The following TCEA3 variants were observed in gnomAD, a reference collection of about 807,000 sequenced individuals.
TCEA3 encodes the protein transcription elongation factor A protein 3.
A neutral mutation model predicts 44.0 loss-of-function variants in TCEA3; 36 were observed. The ratio of observed to expected loss-of-function variants is 0.82; its 90% CI spans 0.63 to 1.08. TCEA3 has a LOEUF of 1.08. TCEA3 is among the 50% of genes least tolerant of loss of function. TCEA3 has a pLI of 0.00. For synonymous variants in TCEA3, 162 were observed against 159.7 expected (o/e 1.01, Z -0.11); for missense variants, 392 against 441.2 (o/e 0.89, Z 1.00).
intron 2 of TCEA3, chr1:23,418,283 A>G (rs753370733): frequency 4.7e-6 from 2 of 426,566 alleles, no homozygotes; most frequent in Non-Finnish European, 8.6e-6. Flanking sequence ...CACTTGGCTG[A>G]CTGTCAGGAC....
At position 23,384,426 on chromosome 1, in the gene TCEA3, GAGA is replaced by G. The variant is rs774983765; in HGVS notation, c.967-12_967-10del. On this transcript the variant is annotated splice_polypyrimidine_tract_variant and intron_variant, in intron 9 of 10. Transcript: ENST00000450454. ...GCACTGCGTGTCTGCACCTGAGAGAGAGAAGAACCACTCATGAAGTCACTCCCC... is the reference window on the plus strand; with the variant it reads ...GCACTGCGTGTCTGCACCTGAGAGAGAGAACCACTCATGAAGTCACTCCCC... 6 of 1,611,940 alleles carry G rather than the reference GAGA, an allele frequency of 3.7e-6. No individual in the cohort carries two copies. The highest frequency in any genetic ancestry group is 1.7e-5 in the Admixed American group (1 of 59,864).
At chr1:23,392,395 A>G in intron 8 of TCEA3, among the ~76,000 whole-genome samples, 1 of 77,680 alleles carries the variant, frequency 1.3e-5, no homozygotes, top group Non-Finnish European at 2.5e-5. Context: ...CACAAAACAC[A>G]CTCCACACAT....
intron 9 of TCEA3, 41 bp downstream of exon 9, chr1:23,387,232 C>T (rs767555604): frequency 9.4e-6 from 15 of 1,603,496 alleles, no homozygotes; most frequent in South Asian, 5.6e-5. Context: ...TATGCCCCTG[C>T]GGCCTCCTGC....
chr1:23,400,948 T>C (rs1408537432), intron 5 of TCEA3, among the ~76,000 whole-genome samples: 1 of 152,190 alleles, frequency 6.6e-6, no homozygotes, highest in East Asian at 1.9e-4. Flanking sequence ...ACATGCTACT[T>C]CCTTTCAGGA....
chr1:23,393,792 A>T, intron 8 of TCEA3, 87 bp downstream of exon 8: 1 of 1,502,532 alleles, frequency 6.7e-7, no homozygotes, highest in Non-Finnish European at 8.9e-7. Flanking sequence ...CTCACTGCTG[A>T]TGAGTCACGA....
chr1:23,412,938 T>C (rs911257644), intron 4 of TCEA3, among the ~76,000 whole-genome samples: 15 of 152,162 alleles, frequency 9.9e-5, no homozygotes, highest in African/African-American at 3.6e-4. Context: ...TGAGCTGAAA[T>C]AGGACCCCCG....
intron 1 of TCEA3, among the ~76,000 whole-genome samples, chr1:23,421,942 G>T (rs1640076985): frequency 6.6e-6 from 1 of 152,206 alleles, no homozygotes; most frequent in African/African-American, 2.4e-5. Context: ...GAGGAGAATA[G>T]CCATGAGCCT....
At chr1:23,408,789 T>A in intron 4 of TCEA3, 63 bp from the exon 5 acceptor site, 1 of 1,474,812 alleles carries the variant, frequency 6.8e-7, no homozygotes. Flanking sequence ...GACAGGAAGG[T>A]GGGGAGAAAG....
At chr1:23,401,883 T>C (rs528246873) in intron 5 of TCEA3, among the ~76,000 whole-genome samples, 1 of 152,168 alleles carries the variant, frequency 6.6e-6, no homozygotes, top group South Asian at 2.1e-4. Context: ...GCACGCTCCT[T>C]ACGAGAATCT....
Position 23,393,869 on chromosome 1 carries a change from C to T in TCEA3, c.819+10G>A, listed in dbSNP as rs1174094597. On this transcript the variant is annotated intron_variant, in intron 8 of 10. Coordinates refer to ENST00000450454, the MANE Select transcript of TCEA3 (RefSeq NM_003196.3). ...CTTCCTGCCTCACCATGCAGATGCC[C>T]TGCTCTCACCTCTGCCGTCATCTTG... is the stretch of plus-strand genomic sequence containing the variant. 3 of 1,612,108 alleles carry T rather than the reference C, an allele frequency of 1.9e-6. No homozygotes were observed. In the African/African-American group the frequency reaches 4.0e-5, roughly 22 times the overall value.
chr1:23,417,478 G>A (rs1230771084), intron 3 of TCEA3, 88 bp from the exon 4 acceptor site: 6 of 1,506,082 alleles, frequency 4.0e-6, no homozygotes, highest in Non-Finnish European at 5.3e-6. Flanking sequence ...GCAAAGGGCA[G>A]GGACGAGGAC....
Position 23,424,618 on chromosome 1 carries a change from C to T in TCEA3, c.16G>A (p.Glu6Lys), listed in dbSNP as rs371242688. 152 of 1,607,990 alleles carry T rather than the reference C, an allele frequency of 9.5e-5. No homozygotes were observed. The highest frequency in any genetic ancestry group is 8.3e-5 in the Admixed American group (5 of 59,938). The change falls in exon 1 of 11, where the codon GAG becomes AAG. Residue 6 changes from glutamate to lysine, a missense_variant. Glu to Lys is a moderately conservative substitution (Grantham distance 56). Transcript: ENST00000450454. ...AGCTTTTTGGCGATCCTCAGCAGCT[C>T]CTCTTCCTGGCCCATGTTGGCCCGC... MGQEEELLRIAKKLEK... is the reference protein window; with the variant it reads MGQEEKLLRIAKKLEK...
intron 8 of TCEA3, among the ~76,000 whole-genome samples, chr1:23,390,614 A>G (rs1638994983): frequency 6.6e-6 from 1 of 152,164 alleles, no homozygotes; most frequent in Non-Finnish European, 1.5e-5. Flanking sequence ...TGTGGAAGGA[A>G]GGTCTTGTGT....
At chr1:23,389,314 C>G (rs1638949096) in intron 8 of TCEA3, among the ~76,000 whole-genome samples, 1 of 151,936 alleles carries the variant, frequency 6.6e-6, no homozygotes, top group South Asian at 2.1e-4. Context: ...ATGGTGAAAC[C>G]CCATCTGTAC....
rs115242247 is a variant in TCEA3 at position 23,419,227 on chromosome 1, G to T, written c.70-88C>A. ...TGTGGTCTTGGTACAGAGAGCAGGA[G>T]GATACAGACAGACATGTGGCCGAAG... is the stretch of plus-strand genomic sequence containing the variant. On this transcript the variant is annotated intron_variant, in intron 1 of 10. Transcript: ENST00000450454. 3.8e-3 allele frequency: 3,821 copies of T among 995,996 alleles called. 11 individuals are homozygous for T. Among genetic ancestry groups the T allele is most frequent in the Admixed American group, 4.7e-3 (170 of 35,854 alleles). 61.7% of individuals were successfully genotyped at this position (995,996 alleles called of 1,614,324 possible). A position where few individuals can be genotyped will look rare whatever the true frequency, so the allele number is the denominator to read the frequency against.
rs955688010 is a variant in TCEA3, at chr1:23,396,081, T to C, written c.664+1464A>G. ...CTGAATGGCTCCAGACTTGTTGAGGTATTGCTGATTAATCATTAAATGAGA... is the reference window on the plus strand; with the variant it reads ...CTGAATGGCTCCAGACTTGTTGAGGCATTGCTGATTAATCATTAAATGAGA... On this transcript the variant is annotated intron_variant, in intron 7 of 10. Coordinates refer to ENST00000450454, the MANE Select transcript of TCEA3 (RefSeq NM_003196.3). 2.3e-4 allele frequency among the ~76,000 whole-genome samples: 35 copies of C among 152,180 alleles called. 1 individual carries two copies. The highest frequency in any genetic ancestry group is 8.4e-4 in the African/African-American group (35 of 41,514).
chr1:23,420,571 G>A lies in TCEA3; in HGVS notation c.70-1432C>T, dbSNP rs899793946. Among the ~76,000 whole-genome samples, 6 of 152,284 alleles carry A rather than the reference G, an allele frequency of 3.9e-5. No individual in the cohort carries two copies. The East Asian group carries it at 7.7e-4, about 20-fold the overall frequency. On this transcript the variant is annotated intron_variant, in intron 1 of 10. Coordinates refer to ENST00000450454, the MANE Select transcript of TCEA3 (RefSeq NM_003196.3). The stretch of plus-strand genomic sequence containing the variant: ...CCACAATGTTTTAAATTCATTCACC[G>A]GTTGATGGGACTTATGGATAGGTTC...
In TCEA3 at chr1:23,408,785, A is replaced by G. The variant is rs937936319; in HGVS notation, c.381-59T>C. 4.0e-5 allele frequency: 59 copies of G among 1,488,884 alleles called. No individual in the cohort carries two copies. In the African/African-American group the frequency reaches 7.5e-4, roughly 19 times the overall value. 92.2% of individuals were successfully genotyped at this position (1,488,884 alleles called of 1,614,324 possible). ...GTAGACTAGCATCAGTACTGACAGG[A>G]AGGTGGGGAGAAAGCATCCTGGGAA... On this transcript the variant is annotated intron_variant, in intron 4 of 10. Transcript: ENST00000450454.
chr1:23,391,270 G>A (rs770963723), intron 8 of TCEA3, among the ~76,000 whole-genome samples: 10 of 149,254 alleles, frequency 6.7e-5, no homozygotes, highest in South Asian at 4.3e-4. Context: ...GTGCCACCAC[G>A]CCCGGCTAAT....
Sources: gnomAD v4.1 joint callset for allele counts (sites outside exome capture counted in the v4.1 genomes callset) on GRCh38, gnomAD v4.1.1 for gene constraint, MANE v1.5 for transcripts, NCBI Gene and HGNC (gene_info 2026-07-23, HGNC 2026-07-21) for gene names.